ZRANB3: variants seen among roughly 807,000 people sequenced by gnomAD.
ZRANB3 encodes the protein zinc finger RANBP2-type containing 3, also known as DNA annealing helicase and endonuclease ZRANB3.
Under a neutral mutation model 133.8 loss-of-function variants are expected in ZRANB3, and 125 were observed. The ratio of observed to expected loss-of-function variants is 0.93; its 90% CI spans 0.81 to 1.08. The LOEUF (loss-of-function observed/expected upper bound fraction) is 1.08. Ranked by LOEUF, ZRANB3 falls within the 50% of genes least tolerant of loss-of-function variation. The pLI is 0.00. For synonymous variants in ZRANB3, 387 were observed against 432.7 expected (o/e 0.89, Z 1.31); for missense variants, 1,229 against 1,275.5 (o/e 0.96, Z 0.56).
chr2:135,219,978 C>T (rs1455805631), intron 15 of ZRANB3, among the ~76,000 whole-genome samples: 2 of 151,914 alleles, frequency 1.3e-5, no homozygotes. Flanking sequence ...CCCAGGTGAT[C>T]CTCCCATCTC....
At chr2:135,325,287 C>A (rs1309451642) in intron 6 of ZRANB3, among the ~76,000 whole-genome samples, 1 of 152,124 alleles carries the variant, frequency 6.6e-6, no homozygotes, top group Non-Finnish European at 1.5e-5. Context: ...AACAAAACAA[C>A]TTATTACATT....
chr2:135,405,856 C>T (rs965984738), intron 2 of ZRANB3, among the ~76,000 whole-genome samples: 1 of 152,112 alleles, frequency 6.6e-6, no homozygotes, highest in Non-Finnish European at 1.5e-5. Flanking sequence ...TAAATGCCCA[C>T]AAGAGAAAGC....
At chr2:135,328,397 C>T (rs981453399) in intron 6 of ZRANB3, among the ~76,000 whole-genome samples, 2 of 151,980 alleles carry the variant, frequency 1.3e-5, no homozygotes, top group African/African-American at 4.8e-5. Flanking sequence ...TGAACTCATC[C>T]TTTTTTATGG....
chr2:135,350,482 G>C (rs551147586), intron 4 of ZRANB3, among the ~76,000 whole-genome samples: 1 of 152,252 alleles, frequency 6.6e-6, no homozygotes, highest in East Asian at 1.9e-4. Context: ...AGCCACATTA[G>C]TTTCTGACAA....
intron 2 of ZRANB3, among the ~76,000 whole-genome samples, chr2:135,491,896 C>T (rs867389902): frequency 5.9e-5 from 9 of 152,052 alleles, no homozygotes; most frequent in African/African-American, 1.7e-4. Context: ...CAATTGATAT[C>T]GTGCTCAGAA....
intron 2 of ZRANB3, among the ~76,000 whole-genome samples, chr2:135,489,219 A>ATAGTCAAAT (rs1692264754): frequency 6.7e-6 from 1 of 149,808 alleles, no homozygotes; most frequent in Non-Finnish European, 1.5e-5. Flanking sequence ...GATGAAAATT[A>ATAGTCAAAT]TAGTCAAATA....
intron 12 of ZRANB3, among the ~76,000 whole-genome samples, chr2:135,231,803 A>C (rs1050767627): frequency 6.6e-6 from 1 of 151,836 alleles, no homozygotes; most frequent in African/African-American, 2.4e-5. Flanking sequence ...AAACACACAC[A>C]AAAAAACGGG....
chr2:135,275,660 G>A lies in ZRANB3; in HGVS notation c.1062C>T (p.Cys354=). ...CCTTATTTTCGATGACTGCTTCTGT[G>A]CAAGCTTGGAGCATGCTTAAATGGT... ...FAHHLSMLQA[C]TEAVIENKTR... Residue 354 remains cysteine, a synonymous_variant, in exon 9 of 21, where the codon TGC becomes TGT. Transcript: ENST00000264159. 1.9e-6 allele frequency: 3 copies of A among 1,595,054 alleles called. No homozygotes were observed. The highest frequency in any genetic ancestry group is 2.6e-6 in the Non-Finnish European group (3 of 1,172,028).
chr2:135,493,172 T>A (rs1425603270), intron 2 of ZRANB3, among the ~76,000 whole-genome samples: 53 of 69,346 alleles, frequency 7.6e-4, no homozygotes, highest in Middle Eastern at 7.6e-3. Flanking sequence ...TATATATATA[T>A]AAATAGAAAA....
chr2:135,222,050 T>C (rs192273125), intron 15 of ZRANB3, among the ~76,000 whole-genome samples: 13 of 152,298 alleles, frequency 8.5e-5, no homozygotes, highest in African/African-American at 3.1e-4. Flanking sequence ...AACATCGATA[T>C]AATGGACCAT....
chr2:135,495,708 A>G (rs897356145), intron 2 of ZRANB3, among the ~76,000 whole-genome samples: 2 of 152,224 alleles, frequency 1.3e-5, no homozygotes, highest in African/African-American at 4.8e-5. Context: ...CTTTAGTGAC[A>G]GAAGTCAGAT....
intron 2 of ZRANB3, among the ~76,000 whole-genome samples, chr2:135,421,629 T>C (rs980316780): frequency 1.3e-5 from 2 of 152,116 alleles, no homozygotes; most frequent in African/African-American, 4.8e-5. Flanking sequence ...TTTTTAAACT[T>C]TTCTTTGCTA....
At chr2:135,299,009 T>A (rs1682300570) in intron 8 of ZRANB3, among the ~76,000 whole-genome samples, 1 of 152,130 alleles carries the variant, frequency 6.6e-6, no homozygotes, top group Non-Finnish European at 1.5e-5. Context: ...CATACAAGCT[T>A]GTCTAAAGTC....
At chr2:135,205,924 G>A (rs1693836534) in intron 19 of ZRANB3, among the ~76,000 whole-genome samples, 1 of 152,110 alleles carries the variant, frequency 6.6e-6, no homozygotes, top group Non-Finnish European at 1.5e-5. Context: ...GACCATAGGT[G>A]CCTCTTGATA....
chr2:135,245,725 G>C (rs1695759250), intron 12 of ZRANB3, among the ~76,000 whole-genome samples: 1 of 150,550 alleles, frequency 6.6e-6, no homozygotes, highest in Non-Finnish European at 1.5e-5. Flanking sequence ...TTGGGAGTTC[G>C]AGAGCAGCCT....
At chr2:135,394,258 A>G (rs1373959482) in intron 2 of ZRANB3, among the ~76,000 whole-genome samples, 2 of 152,224 alleles carry the variant, frequency 1.3e-5, no homozygotes, top group East Asian at 3.9e-4. Context: ...TTACACCACT[A>G]AAGCAAACCA....
intron 2 of ZRANB3, among the ~76,000 whole-genome samples, chr2:135,432,631 G>A (rs575352600): frequency 2.0e-5 from 3 of 152,246 alleles, no homozygotes; most frequent in African/African-American, 7.2e-5. Context: ...TGGTAATACT[G>A]GGCACTTAGG....
chr2:135,465,673 C>A (rs1402177152), intron 2 of ZRANB3, among the ~76,000 whole-genome samples: 2 of 152,122 alleles, frequency 1.3e-5, no homozygotes, highest in Non-Finnish European at 2.9e-5. Flanking sequence ...CAAATGGGAT[C>A]TAATTAAACT....
chr2:135,448,002 G>A lies in ZRANB3; in HGVS notation c.161+56327C>T, dbSNP rs111458362. 1.0e-3 allele frequency among the ~76,000 whole-genome samples: 156 copies of A among 152,256 alleles called. 1 individual carries two copies. Among genetic ancestry groups the A allele is most frequent in the African/African-American group, 3.6e-3 (151 of 41,552 alleles). On this transcript the variant is annotated intron_variant, in intron 2 of 20. Coordinates refer to ENST00000264159, the MANE Select transcript of ZRANB3 (RefSeq NM_032143.4). ...AAACTCTAGAGTATTGTACAAAGAT[G>A]AAGAGTTGCCATAGTTTTGCCTCCT...
Sources: gnomAD v4.1 joint callset for allele counts (sites outside exome capture counted in the v4.1 genomes callset) on GRCh38, gnomAD v4.1.1 for gene constraint, MANE v1.5 for transcripts, NCBI Gene and HGNC (gene_info 2026-07-23, HGNC 2026-07-21) for gene names.